ITGA2: variants seen among roughly 807,000 people sequenced by gnomAD.
The protein encoded by ITGA2 is integrin subunit alpha 2, also known as integrin alpha-2.
In ITGA2, 101 loss-of-function variants were observed where a neutral mutation model predicts 146.3. The observed-to-expected ratio is 0.69, with a 90% confidence interval of 0.59 to 0.81. The LOEUF (loss-of-function observed/expected upper bound fraction) is 0.81, where lower values mean the gene tolerates loss of function less well. ITGA2 is among the 40% of genes least tolerant of loss of function. The pLI is 0.00. For missense variants in ITGA2, 1,281 were observed against 1,402.7 expected, an observed-to-expected ratio of 0.91 and a Z score of 1.39; for synonymous variants, 477 against 487.1, an observed-to-expected ratio of 0.98 and a Z score of 0.27.
At chr5:53,030,187 C>T (rs775853065) in intron 2 of ITGA2, among the ~76,000 whole-genome samples, 10 of 152,240 alleles carry the variant, frequency 6.6e-5, no homozygotes, top group Non-Finnish European at 1.0e-4. Flanking sequence ...TCTCCTTTCT[C>T]TGTCCAGGAT....
At chr5:53,076,792 A>T (rs1264328210) in intron 23 of ITGA2, among the ~76,000 whole-genome samples, 3 of 152,068 alleles carry the variant, frequency 2.0e-5, no homozygotes, top group Non-Finnish European at 4.4e-5. Context: ...CTTGAATTCA[A>T]ATGTATTCTA....
rs138437143 is a variant in ITGA2, at chr5:53,075,089, A to G, written c.2693A>G (p.Asn898Ser). The change falls in exon 22 of 30, where the codon AAT becomes AGT. Residue 898 changes from asparagine to serine, a missense_variant. This residue lies in a region of ITGA2 where 475 missense variants were observed against 530.5 expected (regional missense o/e 0.90). Coordinates refer to ENST00000296585, the MANE Select transcript of ITGA2 (RefSeq NM_002203.4). ...ACTTTTACTATTAACTTTGACTTCA[A>G]TCTTCAAAACCTTCAGAATCAGGCG... ...QVTFTINFDF[N>S]LQNLQNQASL... 21 of 1,611,632 alleles carry G rather than the reference A, an allele frequency of 1.3e-5. No individual in the cohort carries two copies. In the African/African-American group the frequency reaches 1.3e-4, roughly 10 times the overall value.
At chr5:53,069,201 C>G (rs1745276186) in intron 16 of ITGA2, among the ~76,000 whole-genome samples, 1 of 151,782 alleles carries the variant, frequency 6.6e-6, no homozygotes, top group South Asian at 2.1e-4. Context: ...ACCAGGTGTT[C>G]TCTCTCAATT....
At chr5:53,000,891 C>CTTTTTTTTTTTTTTTT (rs1407616111) in intron 1 of ITGA2, among the ~76,000 whole-genome samples, 20 of 105,114 alleles carry the variant, frequency 1.9e-4, no homozygotes, top group African/African-American at 3.8e-4. Flanking sequence ...TTTTCTTTTT[C>CTTTTTTTTTTTTTTTT]TTTTTGTTTT....
chr5:53,085,905 A>C (rs1269017684), intron 27 of ITGA2, among the ~76,000 whole-genome samples: 1 of 152,084 alleles, frequency 6.6e-6, no homozygotes, highest in Non-Finnish European at 1.5e-5. Context: ...TCTATTGAAA[A>C]AATAGACTTT....
In ITGA2 at chr5:53,072,622, C is replaced by T. The variant is rs779841699; in HGVS notation, c.2356C>T (p.His786Tyr). The T allele has an allele frequency of 3.7e-6, 6 of 1,609,950 alleles. No individual in the cohort carries two copies. The Admixed American group carries it at 1.0e-4, about 27-fold the overall frequency. The change falls in exon 19 of 30, where the codon CAC becomes TAC. Residue 786 changes from histidine (H) to tyrosine (Y), a missense_variant. His to Tyr is a moderately conservative substitution (Grantham distance 83). Coordinates refer to ENST00000296585, the MANE Select transcript of ITGA2 (RefSeq NM_002203.4). ...ETAKVFSIPF[H>Y]KDCGEDGLCI... ...TTTTCCTTTTTCGTAGATTCCTTTC[C>T]ACAAAGACTGTGGTGAGGACGGACT... is the stretch of plus-strand genomic sequence containing the variant.
At chr5:53,082,510 A>G (rs1043046467) in intron 26 of ITGA2, among the ~76,000 whole-genome samples, 10 of 152,174 alleles carry the variant, frequency 6.6e-5, no homozygotes, top group African/African-American at 2.2e-4. Flanking sequence ...ATAGATTTTC[A>G]ATTAATGACT....
At chr5:53,038,277 C>T (rs530609635) in intron 2 of ITGA2, among the ~76,000 whole-genome samples, 3 of 151,660 alleles carry the variant, frequency 2.0e-5, no homozygotes, top group East Asian at 3.9e-4. Context: ...AAGCCTCTCT[C>T]GGGCTGTGGT....
At chr5:53,089,899 C>A (rs1561161518) in intron 28 of ITGA2, 47 bp from the exon 29 acceptor site, 2 of 1,139,410 alleles carry the variant, frequency 1.8e-6, no homozygotes, top group Admixed American at 3.4e-5. Context: ...CATCTCCCCC[C>A]TTTTTTGTGG....
At chr5:53,074,862 C>T (rs1168430519) in intron 21 of ITGA2, among the ~76,000 whole-genome samples, 199 bp from the exon 22 acceptor site, 1 of 151,942 alleles carries the variant, frequency 6.6e-6, no homozygotes, top group Non-Finnish European at 1.5e-5. Context: ...ACTTGGAAGT[C>T]AAGCTTCTCT....
rs574585794 is a variant in ITGA2, at chr5:53,009,336, AG to A, written c.65-17411del. On this transcript the variant is annotated intron_variant, in intron 1 of 29. Transcript: ENST00000296585. ...AGGGTTTCTGTAGATTGCCTTGAGG[AG>A]ACTGATGGTAAAAACATGAAGGCTC... is the stretch of plus-strand genomic sequence containing the variant. 7.2e-5 allele frequency among the ~76,000 whole-genome samples: 11 copies of A among 152,228 alleles called. No homozygotes were observed. In the East Asian group the frequency reaches 2.1e-3, roughly 29 times the overall value.
At chr5:53,031,888 C>T (rs1743245108) in intron 2 of ITGA2, among the ~76,000 whole-genome samples, 1 of 152,200 alleles carries the variant, frequency 6.6e-6, no homozygotes, top group South Asian at 2.1e-4. Context: ...CACAAACAAT[C>T]TACAAAGGAT....
chr5:53,074,327 A>T, intron 20 of ITGA2, 58 bp from the exon 21 acceptor site: 2 of 1,361,306 alleles, frequency 1.5e-6, no homozygotes, highest in Non-Finnish European at 2.1e-6. Context: ...AGGTGCGTGC[A>T]TACACACACA....
chr5:53,011,797 G>A (rs1285337980), intron 1 of ITGA2, among the ~76,000 whole-genome samples: 1 of 152,060 alleles, frequency 6.6e-6, no homozygotes, highest in African/African-American at 2.4e-5. Flanking sequence ...AGAAAACCCG[G>A]ACTCAGAAGG....
At chr5:53,019,871 A>C (rs956612552) in intron 1 of ITGA2, among the ~76,000 whole-genome samples, 4 of 152,222 alleles carry the variant, frequency 2.6e-5, no homozygotes, top group Non-Finnish European at 5.9e-5. Flanking sequence ...GTGCAAGAGT[A>C]GTAATGCTGG....
intron 3 of ITGA2, among the ~76,000 whole-genome samples, chr5:53,043,253 A>T (rs1743891563): frequency 6.7e-6 from 1 of 150,208 alleles, no homozygotes; most frequent in African/African-American, 2.4e-5. Flanking sequence ...GTGAGTGTTC[A>T]AAGCTTTATT....
rs1360940183 is a variant in ITGA2 at position 53,071,985 on chromosome 5, T to G, written c.2283T>G (p.Ser761Arg). 1.2e-6 allele frequency: 2 copies of G among 1,612,458 alleles called. No individual in the cohort carries two copies. The change falls in exon 18 of 30, where the codon AGT becomes AGG. Residue 761 changes from serine to arginine, a missense_variant. Ser to Arg is a moderately radical substitution (Grantham distance 110, BLOSUM62 -1). Coordinates refer to ENST00000296585, the MANE Select transcript of ITGA2 (RefSeq NM_002203.4). The stretch of plus-strand genomic sequence containing the variant: ...CTTTGGATTTGCGTGTGGACATCAG[T>G]CTGGAAAACCCTGGCACTAGCCCTG... ...VNSLDLRVDI[S>R]LENPGTSPAL...
At chr5:53,060,540 T>A (rs1173619710) in intron 11 of ITGA2, among the ~76,000 whole-genome samples, 1 of 151,984 alleles carries the variant, frequency 6.6e-6, no homozygotes, top group African/African-American at 2.4e-5. Flanking sequence ...AACCTCAGCC[T>A]GTTTCCAAGA....
chr5:53,004,207 C>T (rs1473433070), intron 1 of ITGA2, among the ~76,000 whole-genome samples: 1 of 152,040 alleles, frequency 6.6e-6, no homozygotes, highest in Non-Finnish European at 1.5e-5. Flanking sequence ...AGCACCACTG[C>T]ACTAAATGAA....
Sources: gnomAD v4.1 joint callset for allele counts (sites outside exome capture counted in the v4.1 genomes callset) on GRCh38, gnomAD v4.1.1 for gene constraint, gnomAD v4.1.1 regional missense constraint, MANE v1.5 for transcripts, NCBI Gene and HGNC (gene_info 2026-07-23, HGNC 2026-07-21) for gene names.